Variants in DENND4C observed in about 807,000 individuals in gnomAD.
DENND4C encodes the protein DENN domain-containing protein 4C.
DENND4C carries 108 observed loss-of-function variants against 203.0 expected under a neutral mutation model. The ratio of observed to expected loss-of-function variants is 0.53; its 90% CI spans 0.46 to 0.62. DENND4C has a LOEUF of 0.62. Among genes scored for constraint, DENND4C ranks in the 20% least tolerant of loss-of-function variants. DENND4C has a pLI of 0.00. For missense variants in DENND4C, 2,481 were observed against 2,301.2 expected (o/e 1.08, Z -1.60); for synonymous variants, 871 against 792.4 (o/e 1.10, Z -1.67).
At chr9:19,272,791 G>A (rs1032688993) in intron 1 of DENND4C, among the ~76,000 whole-genome samples, 3 of 151,890 alleles carry the variant, frequency 2.0e-5, no homozygotes, top group Non-Finnish European at 4.4e-5. Context: ...TTTTTGAGAT[G>A]GAGTCTTGCT....
chr9:19,369,779 A>T lies in DENND4C; in HGVS notation c.5525-58A>T, dbSNP rs535723366. The T allele has an allele frequency of 5.6e-4, 414 of 741,204 alleles. 4 individuals are homozygous for T. Among genetic ancestry groups the T allele is most frequent in the Non-Finnish European group, 7.0e-4 (397 of 566,104 alleles). The allele number at this position is 741,204 out of a possible 1,614,324, so 45.9% of individuals were successfully genotyped here. Reference sequence around the variant, plus strand: ...GAGATGTTGTCTCAAAAAAAAAAAAATAATAATAATAATAATAGTAATAAT... The same window carrying T: ...GAGATGTTGTCTCAAAAAAAAAAAATTAATAATAATAATAATAGTAATAAT... On this transcript the variant is annotated intron_variant, in intron 30 of 32. Transcript: ENST00000434457.
At position 19,288,949 on chromosome 9, in the gene DENND4C, C is replaced by G. The variant is rs140696969; in HGVS notation, c.628+284C>G. Among the ~76,000 whole-genome samples the G allele has an allele frequency of 6.4e-3, 974 of 152,272 alleles. 12 individuals are homozygous for G. Among genetic ancestry groups the G allele is most frequent in the African/African-American group, 0.021 (889 of 41,560 alleles). On this transcript the variant is annotated intron_variant, in intron 4 of 32. Transcript: ENST00000434457. ...TTTTGGTCTACGTTAATAGACTTAACAGTATAATGGAAAGTTGCTGACTCT... is the reference window on the plus strand; with the variant it reads ...TTTTGGTCTACGTTAATAGACTTAAGAGTATAATGGAAAGTTGCTGACTCT...
chr9:19,287,211 T>C (rs982939763), intron 3 of DENND4C, among the ~76,000 whole-genome samples, 190 bp downstream of exon 3: 4 of 152,222 alleles, frequency 2.6e-5, no homozygotes, highest in African/African-American at 9.6e-5. Flanking sequence ...ATTTCATCTT[T>C]AAGTCAGGGA....
intron 10 of DENND4C, among the ~76,000 whole-genome samples, chr9:19,309,285 G>A (rs1248722437): frequency 1.3e-5 from 2 of 152,080 alleles, no homozygotes; most frequent in African/African-American, 4.8e-5. Flanking sequence ...AGCCGGGCAT[G>A]GTGGTGCATG....
At chr9:19,307,296 G>A (rs532150856) in intron 10 of DENND4C, among the ~76,000 whole-genome samples, 2 of 150,758 alleles carry the variant, frequency 1.3e-5, no homozygotes, top group South Asian at 2.1e-4. Flanking sequence ...ACAGGCAGCT[G>A]AGGAGGAAAG....
chr9:19,326,236 A>C, intron 15 of DENND4C, 42 bp downstream of exon 15: 1 of 1,562,094 alleles, frequency 6.4e-7, no homozygotes, highest in Non-Finnish European at 8.6e-7. Context: ...ACAGCCTATC[A>C]GTTTCTTTTA....
intron 1 of DENND4C, among the ~76,000 whole-genome samples, chr9:19,264,497 G>A (rs1051829430): frequency 2.6e-5 from 4 of 151,704 alleles, no homozygotes; most frequent in Admixed American, 1.3e-4. Context: ...AGTGGAGATG[G>A]GGTTTCACTA....
intron 10 of DENND4C, among the ~76,000 whole-genome samples, chr9:19,307,467 C>T (rs1203338880): frequency 6.6e-6 from 1 of 150,498 alleles, no homozygotes; most frequent in Non-Finnish European, 1.5e-5. Flanking sequence ...TATCTATTCA[C>T]CACAACTTTA....
chr9:19,350,733 C>A lies in DENND4C; in HGVS notation c.4349C>A (p.Ala1450Asp). The A allele has an allele frequency of 6.2e-7, 1 of 1,613,164 alleles. No homozygotes were observed. The highest frequency in any genetic ancestry group is 1.1e-5 in the South Asian group (1 of 90,846). Reference protein sequence around the residue: ...EETNRDYSFPAGLEDHILGEN... With the variant: ...EETNRDYSFPDGLEDHILGEN... The stretch of plus-strand genomic sequence containing the variant: ...ACTAATAGAGACTACAGCTTCCCAG[C>A]TGGCCTAGAAGACCATATTTTGGGG... Residue 1450 changes from alanine (A) to aspartate (D), a missense_variant, in exon 24 of 33, where the codon GCT becomes GAT. Ala to Asp is a moderately radical substitution (Grantham distance 126). Around this residue, in one of 3 missense-constraint regions of DENND4C, gnomAD observed 2,289 missense variants for 2,113.3 expected, o/e 1.08. Transcript: ENST00000434457.
At chr9:19,345,347 A>G (rs1264186362) in intron 22 of DENND4C, among the ~76,000 whole-genome samples, 1 of 152,188 alleles carries the variant, frequency 6.6e-6, no homozygotes, top group Non-Finnish European at 1.5e-5. Context: ...CTAGCACCTC[A>G]TATAGTGGCT....
intron 20 of DENND4C, among the ~76,000 whole-genome samples, chr9:19,339,163 G>A (rs2131894361): frequency 6.6e-6 from 1 of 152,212 alleles, no homozygotes; most frequent in South Asian, 2.1e-4. Flanking sequence ...AGTCATGTGA[G>A]CAGGTTACAT....
rs1826732720 is a variant in DENND4C, at chr9:19,252,019, A to G, written c.-18+21186A>G. Among the ~76,000 whole-genome samples the G allele has an allele frequency of 2.6e-5, 4 of 151,628 alleles. No individual in the cohort carries two copies. In the South Asian group the frequency reaches 8.3e-4, roughly 32 times the overall value. ...TCGGATATCTTTTCAGCAGTGCCCC[A>G]CTCTCCTGGTACCAATTTACTGTAT... is the stretch of plus-strand genomic sequence containing the variant. On this transcript the variant is annotated intron_variant, in intron 1 of 32. Transcript: ENST00000434457.
chr9:19,317,714 T>C (rs1341006964), intron 12 of DENND4C, among the ~76,000 whole-genome samples: 1 of 152,160 alleles, frequency 6.6e-6, no homozygotes, highest in African/African-American at 2.4e-5. Context: ...CCTAGCTCTA[T>C]GGGATCTTAA....
At chr9:19,249,219 C>A (rs1203491015) in intron 1 of DENND4C, among the ~76,000 whole-genome samples, 1 of 151,924 alleles carries the variant, frequency 6.6e-6, no homozygotes, top group Non-Finnish European at 1.5e-5. Flanking sequence ...ATGTTTGAGA[C>A]CCTGTCATAA....
At chr9:19,344,561 C>T (rs1822378566) in intron 22 of DENND4C, among the ~76,000 whole-genome samples, 1 of 152,202 alleles carries the variant, frequency 6.6e-6, no homozygotes, top group African/African-American at 2.4e-5. Flanking sequence ...GTGGCACAGT[C>T]ATGGCTCACT....
chr9:19,361,174 T>A (rs1826409754), intron 29 of DENND4C, among the ~76,000 whole-genome samples: 1 of 152,118 alleles, frequency 6.6e-6, no homozygotes, highest in Non-Finnish European at 1.5e-5. Flanking sequence ...GTAGCTATTA[T>A]TCTTAACTGT....
At chr9:19,289,454 T>C (rs906886645) in intron 4 of DENND4C, among the ~76,000 whole-genome samples, 3 of 152,200 alleles carry the variant, frequency 2.0e-5, no homozygotes, top group Non-Finnish European at 4.4e-5. Context: ...AAAACATTCA[T>C]ACTAATGAAC....
intron 1 of DENND4C, among the ~76,000 whole-genome samples, chr9:19,267,064 A>C (rs1005836031): frequency 6.6e-6 from 1 of 152,074 alleles, no homozygotes; most frequent in Non-Finnish European, 1.5e-5. Context: ...ATATATGCTG[A>C]GGAGAAGAAT....
chr9:19,259,097 G>A (rs1352484277), intron 1 of DENND4C, among the ~76,000 whole-genome samples: 2 of 151,826 alleles, frequency 1.3e-5, no homozygotes, highest in Non-Finnish European at 1.5e-5. Context: ...TTCTTTGTTC[G>A]AACATTCCAA....
Sources: allele counts gnomAD v4.1 joint callset (sites outside exome capture counted in the v4.1 genomes callset), GRCh38; gene constraint gnomAD v4.1.1; regional missense constraint gnomAD v4.1.1; transcripts MANE v1.5; gene names NCBI Gene and HGNC (gene_info 2026-07-23, HGNC 2026-07-21).